The following GALNT2 variants were observed in gnomAD, a reference collection of about 807,000 sequenced individuals.
The protein encoded by GALNT2 is polypeptide N-acetylgalactosaminyltransferase 2, also known as UDP-GalNAc:polypeptide N-acetylgalactosaminyltransferase 2.
A neutral mutation model predicts 81.4 loss-of-function variants in GALNT2; 31 were observed. That is an observed-to-expected ratio of 0.38 (90% confidence interval 0.29 to 0.51). The LOEUF (loss-of-function observed/expected upper bound fraction) is 0.51. Ranked by LOEUF, GALNT2 falls within the 20% of genes least tolerant of loss-of-function variation. The pLI is 0.87. For missense variants in GALNT2, 629 were observed against 765.7 expected, an observed-to-expected ratio of 0.82 and a Z score of 2.11; for synonymous variants, 303 against 287.4, an observed-to-expected ratio of 1.05 and a Z score of -0.55.
At chr1:230,169,818 T>A (rs981525001) in intron 1 of GALNT2, among the ~76,000 whole-genome samples, 9 of 152,234 alleles carry the variant, frequency 5.9e-5, no homozygotes, top group African/African-American at 2.2e-4. Flanking sequence ...AAGTGGAGTA[T>A]GTATAAAGCA....
In GALNT2 at chr1:230,207,995, A is replaced by G. The variant is rs561621411; in HGVS notation, c.374+4705A>G. Among the ~76,000 whole-genome samples, 3 of 152,362 alleles carry G rather than the reference A, an allele frequency of 2.0e-5. No individual in the cohort carries two copies. The East Asian group carries it at 5.8e-4, about 29-fold the overall frequency. ...ATTTTGATACCTGTCTACAATGTGT[A>G]ATGATCAAGTCAGGGTAATTGGGAT... On this transcript the variant is annotated intron_variant, in intron 3 of 15. Coordinates refer to ENST00000366672, the MANE Select transcript of GALNT2 (RefSeq NM_004481.5).
intron 3 of GALNT2, among the ~76,000 whole-genome samples, chr1:230,204,089 C>T (rs1017089768): frequency 2.8e-4 from 42 of 152,188 alleles, no homozygotes; most frequent in African/African-American, 9.6e-4. Context: ...GTGATCCTCC[C>T]GCCTTAGCCT....
At chr1:230,195,448 AAAGAG>A (rs1663662365) in intron 2 of GALNT2, among the ~76,000 whole-genome samples, 1 of 152,044 alleles carries the variant, frequency 6.6e-6, no homozygotes, top group Admixed American at 6.5e-5. Flanking sequence ...AGGAGAAAGA[AAAGAG>A]AGAGGGTGCA....
intron 2 of GALNT2, among the ~76,000 whole-genome samples, chr1:230,187,393 G>A (rs1663369103): frequency 6.6e-6 from 1 of 152,226 alleles, no homozygotes. Flanking sequence ...ACAGCTCTCA[G>A]CCCCTCATGG....
intron 3 of GALNT2, among the ~76,000 whole-genome samples, chr1:230,211,154 C>A (rs963633089): frequency 6.6e-6 from 1 of 152,160 alleles, no homozygotes; most frequent in African/African-American, 2.4e-5. Flanking sequence ...AAACATGCGC[C>A]GCTGGCCTCC....
At chr1:230,224,779 A>G (rs1443150412) in intron 3 of GALNT2, among the ~76,000 whole-genome samples, 1 of 152,190 alleles carries the variant, frequency 6.6e-6, no homozygotes, top group South Asian at 2.1e-4. Flanking sequence ...TTGGCTTTTC[A>G]ATGAGATTAG....
At chr1:230,172,017 C>G (rs2102857957) in intron 1 of GALNT2, among the ~76,000 whole-genome samples, 1 of 151,826 alleles carries the variant, frequency 6.6e-6, no homozygotes, top group East Asian at 2.0e-4. Context: ...TTAGAATATT[C>G]TAAATATTAA....
At chr1:230,254,499 A>ACCATAGTCCATAAGGCAGTCCCTAAGT in intron 10 of GALNT2, among the ~76,000 whole-genome samples, 1 of 152,322 alleles carries the variant, frequency 6.6e-6, no homozygotes, top group African/African-American at 2.4e-5. Flanking sequence ...CTTGGTCACT[A>ACCATAGTCCATAAGGCAGTCCCTAAGT]CCATAGTCCA....
At chr1:230,067,926 CT>C (rs1462678383) in intron 1 of GALNT2, among the ~76,000 whole-genome samples, 2 of 152,182 alleles carry the variant, frequency 1.3e-5, no homozygotes, top group South Asian at 2.1e-4. Flanking sequence ...CTTCTTTGCC[CT>C]TTACCTTTGG....
intron 1 of GALNT2, among the ~76,000 whole-genome samples, chr1:230,094,459 A>AC (rs1180916620): frequency 4.1e-5 from 6 of 147,310 alleles, no homozygotes; most frequent in Non-Finnish European, 7.5e-5. Flanking sequence ...ACATAGTGAA[A>AC]CCCCCCTCTC....
At chr1:230,094,638 C>CAAACAA (rs1285302494) in intron 1 of GALNT2, among the ~76,000 whole-genome samples, 7 of 152,108 alleles carry the variant, frequency 4.6e-5, no homozygotes, top group Non-Finnish European at 5.9e-5. Flanking sequence ...AACTCCGTCT[C>CAAACAA]AAACAAAAAC....
chr1:230,078,046 G>A (rs7534687), intron 1 of GALNT2, among the ~76,000 whole-genome samples: 3,682 of 152,338 alleles, frequency 0.024, 136 homozygotes, highest in African/African-American at 0.08. Context: ...TAGCATTGCC[G>A]ACGTCATTGA....
chr1:230,207,432 G>T (rs1664097146), intron 3 of GALNT2, among the ~76,000 whole-genome samples: 1 of 152,014 alleles, frequency 6.6e-6, no homozygotes, highest in Non-Finnish European at 1.5e-5. Context: ...AAAACTCTGG[G>T]CTATGCTTTA....
Position 230,275,367 on chromosome 1 carries a change from A to C in GALNT2, c.1560+803A>C, listed in dbSNP as rs1666267765. Among the ~76,000 whole-genome samples the C allele has an allele frequency of 6.6e-6, 1 of 151,450 alleles. No individual in the cohort carries two copies. Among genetic ancestry groups the C allele is most frequent in the Non-Finnish European group, 1.5e-5 (1 of 67,812 alleles). On this transcript the variant is annotated intron_variant, in intron 15 of 15. Coordinates refer to ENST00000366672, the MANE Select transcript of GALNT2 (RefSeq NM_004481.5). This position sits in a 1 kb window ranked among gnomAD's most constrained non-coding sequence, Gnocchi z 5.5. ...ACATATATATACATGCCACATATAC[A>C]TCTATAAACACCACATGTATACACG...
At chr1:230,194,919 G>A (rs1047972676) in intron 2 of GALNT2, among the ~76,000 whole-genome samples, 7 of 152,218 alleles carry the variant, frequency 4.6e-5, no homozygotes, top group African/African-American at 1.2e-4. Context: ...CTGTGGACAC[G>A]AGGGGAGGAG....
rs888099654 is a variant in GALNT2, at chr1:230,236,674, C to T, written c.556C>T (p.Leu186Phe). ...DYSNDPEDGA[L>F]LGKIEKVRVL... Reference sequence around the variant, plus strand: ...TCTTTTCCTAGCTGAGGACGGGGCTCTCTTGGGGAAAATTGAGAAAGTGCG... The same window carrying T: ...TCTTTTCCTAGCTGAGGACGGGGCTTTCTTGGGGAAAATTGAGAAAGTGCG... The change falls in exon 6 of 16, where the codon CTC (leucine) becomes TTC (phenylalanine). Residue 186 changes from leucine to phenylalanine, a missense_variant. Leu to Phe is a conservative substitution (Grantham distance 22). Transcript: ENST00000366672. The T allele has an allele frequency of 1.2e-5, 19 of 1,613,296 alleles. No individual in the cohort carries two copies. Among genetic ancestry groups the T allele is most frequent in the East Asian group, 2.2e-5 (1 of 44,878 alleles).
chr1:230,082,304 A>G (rs1017368081), intron 1 of GALNT2, among the ~76,000 whole-genome samples: 1 of 152,236 alleles, frequency 6.6e-6, no homozygotes, highest in African/African-American at 2.4e-5. Flanking sequence ...AATCGGTCAA[A>G]GTGCTGTGTA....
intron 1 of GALNT2, among the ~76,000 whole-genome samples, chr1:230,128,962 C>G (rs1476749058): frequency 1.3e-5 from 2 of 152,226 alleles, no homozygotes; most frequent in Admixed American, 1.3e-4. Flanking sequence ...TCTGGATTAT[C>G]AGCAATACTT....
At chr1:230,165,382 G>A (rs1662571378) in intron 1 of GALNT2, among the ~76,000 whole-genome samples, 1 of 152,196 alleles carries the variant, frequency 6.6e-6, no homozygotes, top group Admixed American at 6.5e-5. Context: ...CGTTGTATTG[G>A]TGAATGTTCT....
Sources: allele counts gnomAD v4.1 joint callset (sites outside exome capture counted in the v4.1 genomes callset), GRCh38; gene constraint gnomAD v4.1.1; non-coding constraint Gnocchi (gnomAD v3.1); transcripts MANE v1.5; gene names NCBI Gene and HGNC (gene_info 2026-07-23, HGNC 2026-07-21).